Variants in PAFAH2 observed in about 807,000 individuals in gnomAD.
PAFAH2 encodes platelet-activating factor acetylhydrolase 2, cytoplasmic.
PAFAH2 carries 42 observed loss-of-function variants against 49.0 expected under a neutral mutation model. The observed-to-expected ratio is 0.86, with a 90% confidence interval of 0.67 to 1.11. The LOEUF (loss-of-function observed/expected upper bound fraction) is 1.11, where lower values mean the gene tolerates loss of function less well. Among genes scored for constraint, PAFAH2 ranks in the 50% least tolerant of loss-of-function variants. PAFAH2 has a pLI of 0.00. For synonymous variants in PAFAH2, 184 were observed against 181.3 expected, an observed-to-expected ratio of 1.01 and a Z score of -0.12; for missense variants, 503 against 501.8, an observed-to-expected ratio of 1.00 and a Z score of -0.02.
At chr1:25,988,190 G>A in intron 4 of PAFAH2, 41 bp downstream of exon 4, 1 of 1,308,506 alleles carries the variant, frequency 7.6e-7, no homozygotes, top group South Asian at 1.3e-5. Context: ...GCTGTCACCA[G>A]GCAAGGAGTA....
intron 6 of PAFAH2, 50 bp downstream of exon 6, chr1:25,983,896 G>A: frequency 6.3e-7 from 1 of 1,593,590 alleles, no homozygotes; most frequent in South Asian, 1.1e-5. Flanking sequence ...AAATATAGTA[G>A]GGAGAGAACA....
At chr1:25,981,891 G>A (rs1399754725) in intron 7 of PAFAH2, among the ~76,000 whole-genome samples, 1 of 152,054 alleles carries the variant, frequency 6.6e-6, no homozygotes, top group African/African-American at 2.4e-5. Flanking sequence ...CACAGTGGCA[G>A]GCGCCTATAA....
chr1:25,988,234 A>G lies in PAFAH2; in HGVS notation c.338T>C (p.Phe113Ser), dbSNP rs2049813932. 1 of 1,593,408 alleles carries G rather than the reference A, an allele frequency of 6.3e-7. No individual in the cohort carries two copies. The highest frequency in any genetic ancestry group is 1.4e-5 in the African/African-American group (1 of 73,784). The change falls in exon 4 of 11, where the codon TTC (phenylalanine) becomes TCC (serine). Residue 113 changes from phenylalanine (F) to serine (S), a missense_variant. By Grantham distance (155) the Phe-to-Ser change is radical. Coordinates refer to ENST00000374282, the MANE Select transcript of PAFAH2 (RefSeq NM_000437.4). ...LIIFSHGLGAFRTLYSAFCME... is the reference protein window; with the variant it reads ...LIIFSHGLGASRTLYSAFCME... ...TCTGGGGGAAAGAAGCTCTTACCTG[A>G]AGGCTCCTAGGCCATGGGAGAAGAT...
At chr1:25,993,929 T>C (rs187524794) in intron 1 of PAFAH2, among the ~76,000 whole-genome samples, 1 of 152,274 alleles carries the variant, frequency 6.6e-6, no homozygotes, top group East Asian at 1.9e-4. Flanking sequence ...AAAGGCTCTT[T>C]CAAGCAGGAG....
Position 25,984,538 on chromosome 1 carries a change from CA to C in PAFAH2, c.342-11del. The C allele has an allele frequency of 6.2e-7, 1 of 1,611,072 alleles. No homozygotes were observed. The highest frequency in any genetic ancestry group is 8.5e-7 in the Non-Finnish European group (1 of 1,177,540). Reference sequence around the variant, plus strand: ...GGCTGAATACAAAGTCCTGGAGATTCAAAAAGGAACAAGGAAAAGGGATCAA... The same window carrying C: ...GGCTGAATACAAAGTCCTGGAGATTCAAAAGGAACAAGGAAAAGGGATCAA... On this transcript the variant is annotated splice_polypyrimidine_tract_variant and intron_variant, in intron 4 of 10. Transcript: ENST00000374282.
intron 7 of PAFAH2, 136 bp from the exon 8 acceptor site, chr1:25,976,909 A>G: frequency 3.1e-6 from 2 of 635,742 alleles, no homozygotes; most frequent in Admixed American, 2.5e-5. Context: ...CCAACACCAC[A>G]CTGTCAAGAA....
intron 10 of PAFAH2, among the ~76,000 whole-genome samples, chr1:25,963,634 G>A (rs1397161365): frequency 6.6e-6 from 1 of 152,188 alleles, no homozygotes; most frequent in Non-Finnish European, 1.5e-5. Context: ...CTCCTAAGTA[G>A]CTGGGACTAC....
chr1:25,984,596 C>T, intron 4 of PAFAH2, 68 bp from the exon 5 acceptor site: 1 of 1,230,548 alleles, frequency 8.1e-7, no homozygotes, highest in East Asian at 2.3e-5. Context: ...CTCATTCCAA[C>T]AATGCTCTGC....
chr1:25,976,369 T>A (rs1461214196), intron 8 of PAFAH2, among the ~76,000 whole-genome samples: 2 of 152,232 alleles, frequency 1.3e-5, no homozygotes, highest in African/African-American at 4.8e-5. Context: ...GATCTCAAAC[T>A]CCTGGCTTCA....
intron 10 of PAFAH2, among the ~76,000 whole-genome samples, chr1:25,969,751 C>T (rs997222996): frequency 5.3e-5 from 8 of 152,112 alleles, no homozygotes; most frequent in Non-Finnish European, 1.0e-4. Flanking sequence ...CTTAGCTCAA[C>T]GGGTATTGCT....
At chr1:25,965,428 AC>A (rs1388389637) in intron 10 of PAFAH2, among the ~76,000 whole-genome samples, 1 of 152,228 alleles carries the variant, frequency 6.6e-6, no homozygotes, top group African/African-American at 2.4e-5. Context: ...CTTATGTACC[AC>A]AAAAGAAACA....
At chr1:25,964,254 G>C (rs2914967) in intron 10 of PAFAH2, 152,519 of 152,526 alleles carry the variant, frequency 1, 76,256 homozygotes, top group Middle Eastern at 1. Flanking sequence ...TGAGCACGGC[G>C]CTTGCACAAG....
chr1:25,978,509 A>G (rs1489484890), intron 7 of PAFAH2, among the ~76,000 whole-genome samples: 1 of 152,150 alleles, frequency 6.6e-6, no homozygotes, highest in East Asian at 1.9e-4. Flanking sequence ...CGATCACCAA[A>G]TCTTTTCCTC....
chr1:25,983,209 A>G (rs114966317), intron 6 of PAFAH2, among the ~76,000 whole-genome samples: 12,040 of 151,872 alleles, frequency 0.079, 652 homozygotes, highest in Admixed American at 0.17. Context: ...TGGGCAACAT[A>G]GCAAGACCCC....
At chr1:25,963,791 G>T (rs1206319563) in intron 10 of PAFAH2, among the ~76,000 whole-genome samples, 1 of 152,220 alleles carries the variant, frequency 6.6e-6, no homozygotes, top group African/African-American at 2.4e-5. Flanking sequence ...GTGAGCCACG[G>T]TGCCTGGCCA....
chr1:25,982,901 T>G (rs2049712458), intron 6 of PAFAH2, among the ~76,000 whole-genome samples: 1 of 152,176 alleles, frequency 6.6e-6, no homozygotes, highest in South Asian at 2.1e-4. Context: ...GAGGATGGCC[T>G]TCCCACTCCC....
chr1:25,987,294 AAAAG>A, intron 4 of PAFAH2, among the ~76,000 whole-genome samples: 1 of 151,220 alleles, frequency 6.6e-6, no homozygotes, highest in African/African-American at 2.4e-5. Context: ...AAATAAAATA[AAAAG>A]ATCTCCATGG....
chr1:25,994,397 C>T (rs1202705276), intron 1 of PAFAH2, among the ~76,000 whole-genome samples: 1 of 152,100 alleles, frequency 6.6e-6, no homozygotes, highest in East Asian at 1.9e-4. Context: ...TCCCAAGGTG[C>T]TTGGGATTAC....
chr1:25,996,568 G>T (rs2049939986), intron 1 of PAFAH2, among the ~76,000 whole-genome samples: 1 of 152,112 alleles, frequency 6.6e-6, no homozygotes, highest in Non-Finnish European at 1.5e-5. Flanking sequence ...CGTGAACCCG[G>T]GAGGCGGAGC....
Sources: allele counts gnomAD v4.1 joint callset (sites outside exome capture counted in the v4.1 genomes callset), GRCh38; gene constraint gnomAD v4.1.1; transcripts MANE v1.5; gene names NCBI Gene and HGNC (gene_info 2026-07-23, HGNC 2026-07-21).